MACROD2: variants seen among roughly 807,000 people sequenced by gnomAD.
MACROD2 encodes mono-ADP ribosylhydrolase 2.
In MACROD2, 36 loss-of-function variants were observed where a neutral mutation model predicts 70.4. The observed-to-expected ratio is 0.51, with a 90% CI of 0.39 to 0.68. The LOEUF (loss-of-function observed/expected upper bound fraction) is 0.68. Among genes scored for constraint, MACROD2 ranks in the 30% least tolerant of loss-of-function variants. The pLI is 0.00. For synonymous variants in MACROD2, 172 were observed against 178.8 expected (o/e 0.96, Z 0.30); for missense variants, 496 against 538.4 (o/e 0.92, Z 0.78).
intron 3 of MACROD2, among the ~76,000 whole-genome samples, chr20:14,343,108 C>T (rs902946489): frequency 6.6e-6 from 1 of 151,942 alleles, no homozygotes; most frequent in African/African-American, 2.4e-5. Flanking sequence ...CTACTTTCTT[C>T]CCTCTTCAGC....
chr20:14,810,389 C>T (rs2072694481), intron 5 of MACROD2, among the ~76,000 whole-genome samples: 1 of 152,066 alleles, frequency 6.6e-6, no homozygotes, highest in South Asian at 2.1e-4. Context: ...AAATTCAACA[C>T]CCCTTCATGC....
Position 14,553,434 on chromosome 20 carries a change from G to A in MACROD2, c.301+59926G>A, listed in dbSNP as rs1046267667. On this transcript the variant is annotated intron_variant, in intron 4 of 17. Transcript: ENST00000684519. Reference sequence around the variant, plus strand: ...TTTTTTTTTTTTTTTTTTTTAGTAAGTAGAAGAATTATACTCTGAAACAGC... The same window carrying A: ...TTTTTTTTTTTTTTTTTTTTAGTAAATAGAAGAATTATACTCTGAAACAGC... Among the ~76,000 whole-genome samples the A allele has an allele frequency of 3.7e-4, 51 of 139,382 alleles. 1 individual carries two copies. The highest frequency in any genetic ancestry group is 3.1e-3 in the Admixed American group (42 of 13,526). The allele number at this position is 139,382 out of a possible 152,430, so 91.4% of individuals were successfully genotyped here.
chr20:15,820,529 T>G (rs2063928489), intron 8 of MACROD2, among the ~76,000 whole-genome samples: 1 of 152,192 alleles, frequency 6.6e-6, no homozygotes, highest in Admixed American at 6.5e-5. Flanking sequence ...TTGAATATTT[T>G]TAGAAGATGG....
intron 5 of MACROD2, among the ~76,000 whole-genome samples, chr20:14,901,690 T>C (rs1236640859): frequency 6.6e-6 from 1 of 152,156 alleles, no homozygotes; most frequent in African/African-American, 2.4e-5. Flanking sequence ...ACTGCCAAAA[T>C]CGGCATCATA....
intron 3 of MACROD2, among the ~76,000 whole-genome samples, chr20:14,378,770 A>T (rs2083396203): frequency 6.6e-6 from 1 of 152,202 alleles, no homozygotes; most frequent in African/African-American, 2.4e-5. Context: ...CCTATGCTTC[A>T]GCATGTCAGT....
At chr20:15,985,502 C>T (rs2066467051) in intron 13 of MACROD2, among the ~76,000 whole-genome samples, 1 of 152,234 alleles carries the variant, frequency 6.6e-6, no homozygotes, top group Non-Finnish European at 1.5e-5. Flanking sequence ...ACTAGTCTTA[C>T]CAAGTTTCAG....
At chr20:14,829,685 A>G (rs1413856005) in intron 5 of MACROD2, among the ~76,000 whole-genome samples, 1 of 152,088 alleles carries the variant, frequency 6.6e-6, no homozygotes, top group African/African-American at 2.4e-5. Context: ...CTGTGTCCAC[A>G]CATGCCAAAA....
intron 8 of MACROD2, among the ~76,000 whole-genome samples, chr20:15,645,199 G>A (rs910078992): frequency 6.6e-6 from 1 of 152,146 alleles, no homozygotes; most frequent in Non-Finnish European, 1.5e-5. Flanking sequence ...CCGGAATGGT[G>A]GACAGTTGCC....
At chr20:15,391,659 G>C (rs538226549) in intron 6 of MACROD2, among the ~76,000 whole-genome samples, 1 of 152,302 alleles carries the variant, frequency 6.6e-6, no homozygotes, top group East Asian at 1.9e-4. Context: ...ACCCCCAAAT[G>C]TCCATTTCTT....
intron 5 of MACROD2, among the ~76,000 whole-genome samples, chr20:15,052,971 CAGA>C (rs1461011440): frequency 6.6e-6 from 1 of 152,180 alleles, no homozygotes; most frequent in Non-Finnish European, 1.5e-5. Context: ...GTGGTCTGGA[CAGA>C]AGATCAAACC....
chr20:15,228,548 G>A (rs1304471333), intron 5 of MACROD2, among the ~76,000 whole-genome samples: 4 of 144,528 alleles, frequency 2.8e-5, no homozygotes, highest in Non-Finnish European at 3.0e-5. Context: ...GAGGTGCAGC[G>A]GTGCAATCTC....
chr20:15,855,392 C>G (rs1382800819), intron 8 of MACROD2, among the ~76,000 whole-genome samples: 1 of 152,140 alleles, frequency 6.6e-6, no homozygotes, highest in African/African-American at 2.4e-5. Flanking sequence ...CTACAGTTGG[C>G]TGCAGTGAAA....
intron 8 of MACROD2, among the ~76,000 whole-genome samples, chr20:15,826,317 G>T (rs1170967137): frequency 6.6e-6 from 1 of 152,116 alleles, no homozygotes; most frequent in Non-Finnish European, 1.5e-5. Context: ...GGCAGTGGGA[G>T]GTGTTGGGGA....
chr20:14,183,904 T>G (rs2081324738), intron 3 of MACROD2, among the ~76,000 whole-genome samples: 1 of 152,168 alleles, frequency 6.6e-6, no homozygotes, highest in South Asian at 2.1e-4. Context: ...CCTTGTAAAT[T>G]TGTTTAAGTT....
chr20:15,840,079 T>C (rs1385373303), intron 8 of MACROD2, among the ~76,000 whole-genome samples: 2 of 152,184 alleles, frequency 1.3e-5, no homozygotes, highest in African/African-American at 4.8e-5. Flanking sequence ...CATTCTTCTA[T>C]ATTCACTCCT....
chr20:14,206,435 G>A (rs188571938), intron 3 of MACROD2, among the ~76,000 whole-genome samples: 21 of 152,300 alleles, frequency 1.4e-4, no homozygotes, highest in African/African-American at 4.6e-4. Flanking sequence ...ATATAAAAAC[G>A]TTCAGGAAAT....
At chr20:15,538,374 G>C (rs529977937) in intron 8 of MACROD2, among the ~76,000 whole-genome samples, 1 of 152,116 alleles carries the variant, frequency 6.6e-6, no homozygotes, top group Non-Finnish European at 1.5e-5. Flanking sequence ...TGTAAAAGAC[G>C]GGCTTCAAAA....
chr20:15,929,144 G>A (rs1214606348), intron 10 of MACROD2, among the ~76,000 whole-genome samples: 2 of 152,130 alleles, frequency 1.3e-5, no homozygotes, highest in African/African-American at 4.8e-5. Context: ...TCAGTGGGGT[G>A]GTTCTACTGC....
chr20:14,590,063 C>T (rs1376215869), intron 4 of MACROD2, among the ~76,000 whole-genome samples: 3 of 152,056 alleles, frequency 2.0e-5, no homozygotes, highest in South Asian at 2.1e-4. Context: ...CTCTCTAGCT[C>T]TAAAAAGAAT....
Sources: allele counts gnomAD v4.1 joint callset (sites outside exome capture counted in the v4.1 genomes callset), GRCh38; gene constraint gnomAD v4.1.1; transcripts MANE v1.5; gene names NCBI Gene and HGNC (gene_info 2026-07-23, HGNC 2026-07-21).